CCSER1: variants seen among roughly 807,000 people sequenced by gnomAD.
CCSER1 encodes the protein coiled-coil serine rich protein 1, also known as serine-rich coiled-coil domain-containing protein 1.
Under a neutral mutation model 82.0 loss-of-function variants are expected in CCSER1, and 41 were observed. The ratio of observed to expected loss-of-function variants is 0.50; its 90% confidence interval spans 0.39 to 0.65. CCSER1 has a LOEUF of 0.65. CCSER1 is among the 30% of genes least tolerant of loss of function. The probability of loss-of-function intolerance (pLI) is 0.00; values close to 1 mark genes in which losing one functional copy is unlikely to be tolerated. For synonymous variants in CCSER1, 414 were observed against 383.9 expected (o/e 1.08, Z -0.92); for missense variants, 1,119 against 1,064.2 (o/e 1.05, Z -0.72).
chr4:90,307,977 C>A (rs926469471), intron 1 of CCSER1, among the ~76,000 whole-genome samples: 3 of 152,076 alleles, frequency 2.0e-5, no homozygotes, highest in African/African-American at 7.2e-5. Flanking sequence ...CCTGGTGTCT[C>A]CAAAGCCAAC....
intron 1 of CCSER1, among the ~76,000 whole-genome samples, chr4:90,278,624 TG>T (rs1369125179): frequency 1.3e-5 from 2 of 151,530 alleles, no homozygotes; most frequent in African/African-American, 4.9e-5. Flanking sequence ...AGTTTAACAT[TG>T]GGCACACATG....
At chr4:90,971,551 A>G (rs1372348188) in intron 9 of CCSER1, among the ~76,000 whole-genome samples, 1 of 152,022 alleles carries the variant, frequency 6.6e-6, no homozygotes, top group African/African-American at 2.4e-5. Flanking sequence ...GCCTGCAACC[A>G]GATGGTTTTA....
intron 2 of CCSER1, among the ~76,000 whole-genome samples, chr4:90,310,102 A>T (rs1334753074): frequency 1.3e-5 from 2 of 152,018 alleles, no homozygotes; most frequent in African/African-American, 2.4e-5. Flanking sequence ...ATTAATTAGG[A>T]TCCATGTTTC....
intron 9 of CCSER1, among the ~76,000 whole-genome samples, chr4:91,057,161 G>A (rs1371881398): frequency 2.0e-5 from 3 of 152,152 alleles, no homozygotes; most frequent in Non-Finnish European, 4.4e-5. Flanking sequence ...CCTGTAAGCT[G>A]TGTGCAAGCT....
At chr4:90,787,571 T>C (rs1306199327) in intron 7 of CCSER1, among the ~76,000 whole-genome samples, 6 of 152,198 alleles carry the variant, frequency 3.9e-5, no homozygotes, top group African/African-American at 1.4e-4. Context: ...TCTTCAAAGA[T>C]GTTTTCTTTT....
intron 10 of CCSER1, among the ~76,000 whole-genome samples, chr4:91,121,946 TCCATTTTA>T (rs1727127742): frequency 6.6e-6 from 1 of 151,672 alleles, no homozygotes; most frequent in Non-Finnish European, 1.5e-5. Context: ...TATGTGTCAC[TCCATTTTA>T]ACATATAAAA....
intron 8 of CCSER1, among the ~76,000 whole-genome samples, chr4:90,836,096 G>T (rs1200250631): frequency 6.6e-6 from 1 of 152,126 alleles, no homozygotes; most frequent in Non-Finnish European, 1.5e-5. Flanking sequence ...TGAGATTTTT[G>T]ATATATGTGC....
intron 10 of CCSER1, among the ~76,000 whole-genome samples, chr4:91,513,346 C>A (rs1295681440): frequency 6.6e-6 from 1 of 152,122 alleles, no homozygotes; most frequent in Non-Finnish European, 1.5e-5. Flanking sequence ...TTTTGACATG[C>A]TACTGGATTT....
intron 3 of CCSER1, among the ~76,000 whole-genome samples, chr4:90,363,930 A>G (rs536449269): frequency 2.6e-5 from 4 of 152,214 alleles, no homozygotes; most frequent in African/African-American, 9.6e-5. Context: ...CTTTTGTGGT[A>G]TCCCATAAAA....
At chr4:90,343,570 T>C (rs866295158) in intron 3 of CCSER1, among the ~76,000 whole-genome samples, 175 of 152,128 alleles carry the variant, frequency 1.2e-3, no homozygotes, top group African/African-American at 3.9e-3. Flanking sequence ...TGAGCTGAGA[T>C]TGCACCACCA....
At chr4:90,878,751 A>G (rs886770428) in intron 8 of CCSER1, among the ~76,000 whole-genome samples, 4 of 152,220 alleles carry the variant, frequency 2.6e-5, no homozygotes, top group Admixed American at 2.0e-4. Flanking sequence ...CTGAATCTCA[A>G]CTATGCCACT....
intron 10 of CCSER1, among the ~76,000 whole-genome samples, chr4:91,335,148 G>A (rs1011286107): frequency 2.6e-4 from 39 of 152,084 alleles, no homozygotes; most frequent in Admixed American, 2.4e-3. Flanking sequence ...TAGATTGTTC[G>A]TGTTGTCAGC....
chr4:90,611,899 C>T (rs1363323905), intron 5 of CCSER1, among the ~76,000 whole-genome samples: 2 of 151,192 alleles, frequency 1.3e-5, no homozygotes, highest in Non-Finnish European at 3.0e-5. Flanking sequence ...ATATACTTGG[C>T]CTCTTAAATA....
At chr4:91,070,196 A>G (rs1296958426) in intron 9 of CCSER1, among the ~76,000 whole-genome samples, 1 of 152,088 alleles carries the variant, frequency 6.6e-6, no homozygotes, top group East Asian at 1.9e-4. Context: ...CATGTTGACC[A>G]GACTGTTTAG....
chr4:91,100,248 C>T (rs942069407), intron 10 of CCSER1, among the ~76,000 whole-genome samples: 2 of 152,036 alleles, frequency 1.3e-5, no homozygotes, highest in African/African-American at 4.8e-5. Flanking sequence ...AAGAACTACA[C>T]ATTACAAGAC....
At chr4:91,406,149 C>T (rs1752684904) in intron 10 of CCSER1, among the ~76,000 whole-genome samples, 1 of 152,038 alleles carries the variant, frequency 6.6e-6, no homozygotes, top group African/African-American at 2.4e-5. Flanking sequence ...AGAGTCAAGA[C>T]CCATAAGTGT....
In CCSER1 at chr4:91,372,773, G is replaced by A. The variant is rs370047233; in HGVS notation, c.2218-225799G>A. Among the ~76,000 whole-genome samples the A allele has an allele frequency of 3.9e-5, 6 of 152,076 alleles. No homozygotes were observed. The East Asian group carries it at 7.7e-4, about 20-fold the overall frequency. On this transcript the variant is annotated intron_variant, in intron 10 of 10. Transcript: ENST00000509176. The stretch of plus-strand genomic sequence containing the variant: ...GTTTATTATGTCTTCTGTGTAGCGG[G>A]TGCACATGAATAATAATATCTAAAT...
intron 6 of CCSER1, among the ~76,000 whole-genome samples, chr4:90,640,329 T>C (rs1726255451): frequency 6.6e-6 from 1 of 152,146 alleles, no homozygotes. Context: ...TAATAATAGA[T>C]GTCCTGAGTT....
intron 10 of CCSER1, among the ~76,000 whole-genome samples, chr4:91,594,435 A>G (rs1051191609): frequency 6.7e-6 from 1 of 148,504 alleles, no homozygotes; most frequent in South Asian, 2.1e-4. Flanking sequence ...ATATACATAT[A>G]CACACATATA....
Sources: gnomAD v4.1 joint callset for allele counts (sites outside exome capture counted in the v4.1 genomes callset) on GRCh38, gnomAD v4.1.1 for gene constraint, MANE v1.5 for transcripts, NCBI Gene and HGNC (gene_info 2026-07-23, HGNC 2026-07-21) for gene names.